Variants in CDH13 observed in about 807,000 individuals in gnomAD.
The protein encoded by CDH13 is cadherin 13.
CDH13 carries 24 observed loss-of-function variants against 63.8 expected under a neutral mutation model. That is an observed-to-expected ratio of 0.38 (90% CI 0.27 to 0.53). The LOEUF (loss-of-function observed/expected upper bound fraction) is 0.53, where lower values mean the gene tolerates loss of function less well. Among genes scored for constraint, CDH13 ranks in the 20% least tolerant of loss-of-function variants. The pLI is 0.85. For synonymous variants in CDH13, 503 were observed against 355.3 expected, an observed-to-expected ratio of 1.42 and a Z score of -4.67; for missense variants, 1,049 against 903.1, an observed-to-expected ratio of 1.16 and a Z score of -2.07.
chr16:82,678,171 G>C (rs767507123), intron 1 of CDH13, among the ~76,000 whole-genome samples: 1 of 152,120 alleles, frequency 6.6e-6, no homozygotes, highest in Non-Finnish European at 1.5e-5. Context: ...CAAACATGCT[G>C]TGTATTGGAT....
At chr16:83,560,906 C>CA (rs1309793972) in intron 7 of CDH13, among the ~76,000 whole-genome samples, 4 of 151,866 alleles carry the variant, frequency 2.6e-5, no homozygotes, top group Admixed American at 6.6e-5. Context: ...TTGGCCCCCC[C>CA]CCCGCCCCAG....
intron 3 of CDH13, among the ~76,000 whole-genome samples, chr16:83,098,055 G>C (rs1161180038): frequency 6.6e-6 from 1 of 152,122 alleles, no homozygotes; most frequent in Non-Finnish European, 1.5e-5. Context: ...GGATACTATT[G>C]GGATGGTCCA....
intron 1 of CDH13, among the ~76,000 whole-genome samples, chr16:82,816,506 G>T (rs936344168): frequency 1.1e-4 from 17 of 152,094 alleles, no homozygotes; most frequent in African/African-American, 4.1e-4. Flanking sequence ...CCATAGTGTG[G>T]GTGGAGAAGG....
At chr16:82,899,512 T>C (rs1409169314) in intron 2 of CDH13, among the ~76,000 whole-genome samples, 4 of 152,168 alleles carry the variant, frequency 2.6e-5, no homozygotes, top group Non-Finnish European at 5.9e-5. Flanking sequence ...GAATATCCTG[T>C]CTATTTTATT....
At chr16:83,463,218 G>A (rs554302325) in intron 6 of CDH13, among the ~76,000 whole-genome samples, 4 of 152,324 alleles carry the variant, frequency 2.6e-5, no homozygotes, top group Admixed American at 1.3e-4. Flanking sequence ...AGGCCCAGGC[G>A]TCAGATAGCA....
chr16:82,930,039 C>CTTT (rs71146098), intron 2 of CDH13, among the ~76,000 whole-genome samples: 1,084 of 94,698 alleles, frequency 0.011, 42 homozygotes, highest in Non-Finnish European at 0.015. Context: ...TAGTTTGTCT[C>CTTT]TTTTTTTTTT....
chr16:83,404,712 C>A (rs1200859120), intron 6 of CDH13, among the ~76,000 whole-genome samples: 1 of 152,204 alleles, frequency 6.6e-6, no homozygotes, highest in African/African-American at 2.4e-5. Flanking sequence ...CCCAGAACAG[C>A]CACTGTGTCT....
intron 4 of CDH13, chr16:83,171,644 C>T: frequency 1.6e-6 from 2 of 1,220,258 alleles, no homozygotes; most frequent in Non-Finnish European, 2.3e-6. Context: ...TTCCTATATG[C>T]CATCAGGGGA....
intron 2 of CDH13, among the ~76,000 whole-genome samples, chr16:82,984,275 C>G (rs1054251686): frequency 3.9e-5 from 6 of 152,198 alleles, no homozygotes. Context: ...ATTCCCGGAA[C>G]CACCCCAGAC....
intron 5 of CDH13, among the ~76,000 whole-genome samples, chr16:83,336,162 G>A (rs1597780590): frequency 2.0e-5 from 3 of 151,992 alleles, no homozygotes; most frequent in African/African-American, 7.2e-5. Flanking sequence ...TTTGCCAGGG[G>A]TAGTGGTACA....
At chr16:83,003,729 A>G (rs766004405) in intron 2 of CDH13, among the ~76,000 whole-genome samples, 9 of 152,350 alleles carry the variant, frequency 5.9e-5, no homozygotes, top group African/African-American at 9.6e-5. Flanking sequence ...GAAGATTACT[A>G]CGACCCTTGG....
intron 7 of CDH13, among the ~76,000 whole-genome samples, chr16:83,576,979 T>C (rs111557439): frequency 0.028 from 4,333 of 152,324 alleles, 136 homozygotes; most frequent in African/African-American, 0.073. Context: ...GTCCACTTCA[T>C]TGTATTTTTA....
intron 8 of CDH13, among the ~76,000 whole-genome samples, chr16:83,648,147 T>G (rs1480607970): frequency 6.6e-6 from 1 of 152,062 alleles, no homozygotes; most frequent in Non-Finnish European, 1.5e-5. Context: ...AAGCCATACC[T>G]TGGAAGGACC....
In CDH13 at chr16:83,217,373, C is replaced by A; in HGVS notation, c.512C>A (p.Ser171Tyr). Reference sequence around the variant, plus strand: ...GTCGATAGTGACAGGCCAGAAAGGTCCAAGTTCCGGCTCACTGGAAAGGGA... The same window carrying A: ...GTCGATAGTGACAGGCCAGAAAGGTACAAGTTCCGGCTCACTGGAAAGGGA... Reference protein sequence around the residue: ...KVVDSDRPERSKFRLTGKGVD... With the variant: ...KVVDSDRPERYKFRLTGKGVD... Residue 171 changes from serine to tyrosine, a missense_variant, in exon 5 of 14, where the codon TCC becomes TAC. Transcript: ENST00000567109. 5 of 1,613,882 alleles carry A rather than the reference C, an allele frequency of 3.1e-6. No individual in the cohort carries two copies. Among genetic ancestry groups the A allele is most frequent in the East Asian group, 2.2e-5 (1 of 44,874 alleles).
chr16:82,648,091 C>G (rs1197470672), intron 1 of CDH13, among the ~76,000 whole-genome samples: 2 of 152,158 alleles, frequency 1.3e-5, no homozygotes, highest in South Asian at 2.1e-4. Flanking sequence ...ATTGTGAGGC[C>G]TCCTCAGCCA....
intron 4 of CDH13, among the ~76,000 whole-genome samples, chr16:83,126,535 A>C (rs1277923783): frequency 1.3e-5 from 2 of 152,178 alleles, no homozygotes; most frequent in African/African-American, 4.8e-5. Flanking sequence ...CCAGGATTAA[A>C]GAGGACTCTT....
At chr16:83,085,231 G>A (rs1160967276) in intron 3 of CDH13, among the ~76,000 whole-genome samples, 1 of 152,062 alleles carries the variant, frequency 6.6e-6, no homozygotes, top group African/African-American at 2.4e-5. Flanking sequence ...TGAGAAAGAA[G>A]CAAAAGCAGA....
intron 3 of CDH13, among the ~76,000 whole-genome samples, chr16:83,050,171 C>G (rs905462368): frequency 3.9e-5 from 6 of 152,262 alleles, no homozygotes; most frequent in Non-Finnish European, 8.8e-5. Context: ...CCACAGCAGC[C>G]AGACCCGGGC....
chr16:83,218,229 G>C (rs367632769), intron 5 of CDH13, among the ~76,000 whole-genome samples: 75 of 152,278 alleles, frequency 4.9e-4, no homozygotes, highest in African/African-American at 1.8e-3. Context: ...GGCGTTGGAG[G>C]CATAAAGTGC....
Sources: gnomAD v4.1 joint callset for allele counts (sites outside exome capture counted in the v4.1 genomes callset) on GRCh38, gnomAD v4.1.1 for gene constraint, MANE v1.5 for transcripts, NCBI Gene and HGNC (gene_info 2026-07-23, HGNC 2026-07-21) for gene names.